PCDHGB6: variants seen among roughly 807,000 people sequenced by gnomAD.
The protein encoded by PCDHGB6 is protocadherin gamma-B6.
In PCDHGB6, 51 loss-of-function variants were observed where a neutral mutation model predicts 59.1. The observed-to-expected ratio is 0.86, with a 90% CI of 0.69 to 1.09. The LOEUF is 1.09. Ranked by LOEUF, PCDHGB6 falls within the 50% of genes least tolerant of loss-of-function variation. The probability of loss-of-function intolerance (pLI) is 0.00; values close to 1 mark genes in which losing one functional copy is unlikely to be tolerated. For missense variants in PCDHGB6, 1,148 were observed against 1,205.1 expected (o/e 0.95, Z 0.70); for synonymous variants, 466 against 495.1 (o/e 0.94, Z 0.78).
At chr5:141,450,033 G>T (rs1377962229) in intron 1 of PCDHGB6, among the ~76,000 whole-genome samples, 2 of 131,450 alleles carry the variant, frequency 1.5e-5, no homozygotes, top group Admixed American at 8.4e-5. Flanking sequence ...TTGAGACAGG[G>T]TCTCACTCTT....
At position 141,484,779 on chromosome 5, in the gene PCDHGB6, C is replaced by G. The variant is rs186158562; in HGVS notation, c.2419-10028C>G. On this transcript the variant is annotated intron_variant, in intron 1 of 3. Transcript: ENST00000520790. ...ATATATATATATGTTGTCTGCCTCCCCACAGAGATAACAACCCGTGGAAAA... is the reference window on the plus strand; with the variant it reads ...ATATATATATATGTTGTCTGCCTCCGCACAGAGATAACAACCCGTGGAAAA... Among the ~76,000 whole-genome samples, 137 of 152,130 alleles carry G rather than the reference C, an allele frequency of 9.0e-4. 1 individual carries two copies. Among genetic ancestry groups the G allele is most frequent in the Non-Finnish European group, 1.6e-3 (110 of 67,996 alleles).
Position 141,477,691 on chromosome 5 carries a change from A to G in PCDHGB6, c.2419-17116A>G, listed in dbSNP as rs1315811441. 6.2e-7 allele frequency: 1 copy of G among 1,614,188 alleles called. No homozygotes were observed. Among genetic ancestry groups the G allele is most frequent in the South Asian group, 1.1e-5 (1 of 91,090 alleles). On this transcript the variant is annotated intron_variant, in intron 1 of 3. Coordinates refer to ENST00000520790, the MANE Select transcript of PCDHGB6 (RefSeq NM_018926.3). This position sits in a 1 kb window ranked among gnomAD's most constrained non-coding sequence, Gnocchi z 4.9. ...GCATAGTGTCATCCTTAGTGCCCCT[A>G]GACTATGAGGATCGGCGGGAATTTG...
rs569260568 is a variant in PCDHGB6, at chr5:141,408,294, A to G, written c.92A>G (p.Glu31Gly). The G allele has an allele frequency of 2.0e-5, 33 of 1,613,508 alleles. No homozygotes were observed. The East Asian group carries it at 7.1e-4, about 35-fold the overall frequency. ...CCTTTGTTCTACCCCACCCTGAGTG[A>G]GCCGATCCGCTACTCGATTCCGGAG... is the stretch of plus-strand genomic sequence containing the variant. Reference protein sequence around the residue: ...LLPLFYPTLSEPIRYSIPEEL... With the variant: ...LLPLFYPTLSGPIRYSIPEEL... The change falls in exon 1 of 4, where the codon GAG becomes GGG. Residue 31 changes from glutamate to glycine, a missense_variant. Coordinates refer to ENST00000520790, the MANE Select transcript of PCDHGB6 (RefSeq NM_018926.3).
At position 141,409,184 on chromosome 5, in the gene PCDHGB6, T is replaced by G; in HGVS notation, c.982T>G (p.Ser328Ala). ...GGAAGCGAAGGACGGAGGTGGTCTC[T>G]CTACCCAGTGTAAAGTAATCATAGA... ...EVEAKDGGGL[S>A]TQCKVIIEIL... The change falls in exon 1 of 4, where the codon TCT becomes GCT. Residue 328 changes from serine (S) to alanine (A), a missense_variant. Ser to Ala is a moderately conservative substitution (Grantham distance 99). Around this residue, in one of 5 missense-constraint regions of PCDHGB6, gnomAD observed 549 missense variants for 527.5 expected, o/e 1.04. Transcript: ENST00000520790. The G allele has an allele frequency of 6.2e-7, 1 of 1,614,044 alleles. No homozygotes were observed. Among genetic ancestry groups the G allele is most frequent in the East Asian group, 2.2e-5 (1 of 44,876 alleles).
chr5:141,472,200 C>A (rs2099274166), intron 1 of PCDHGB6, among the ~76,000 whole-genome samples: 1 of 152,110 alleles, frequency 6.6e-6, no homozygotes, highest in Non-Finnish European at 1.5e-5. Flanking sequence ...ATCTTTTTGA[C>A]ACTAAGACCT....
rs562011010 is a variant in PCDHGB6, at chr5:141,427,600, G to A, written c.2418+16980G>A. On this transcript the variant is annotated intron_variant, in intron 1 of 3. Coordinates refer to ENST00000520790, the MANE Select transcript of PCDHGB6 (RefSeq NM_018926.3). ...TCATCCAGCACAAGCCTCACCCTAC[G>A]CATTGGTGAAGTCAACGACAATGCT... The A allele has an allele frequency of 6.7e-5, 46 of 683,296 alleles. 1 individual carries two copies. The East Asian group carries it at 1.2e-3, about 18-fold the overall frequency. 42.3% of individuals were successfully genotyped at this position (683,296 alleles called of 1,614,324 possible). A position where few individuals can be genotyped will look rare whatever the true frequency, so the allele number is the denominator to read the frequency against.
intron 1 of PCDHGB6, chr5:141,441,752 C>A (rs1043293959): frequency 5.3e-6 from 2 of 377,970 alleles, no homozygotes; most frequent in Non-Finnish European, 5.3e-6. Flanking sequence ...TCGGCGTCAA[C>A]GTGAGCCTGC....
In PCDHGB6 at chr5:141,476,432, G is replaced by A. The variant is rs139089802; in HGVS notation, c.2419-18375G>A. 15 of 1,614,116 alleles carry A rather than the reference G, an allele frequency of 9.3e-6. No individual in the cohort carries two copies. The East Asian group carries it at 3.3e-4, about 36-fold the overall frequency. Reference sequence around the variant, plus strand: ...GTGTGGGACACTGCCCTCTTGCACTGTAACTCTGGAGTTGGTAGTGGAGAA... The same window carrying A: ...GTGTGGGACACTGCCCTCTTGCACTATAACTCTGGAGTTGGTAGTGGAGAA... On this transcript the variant is annotated intron_variant, in intron 1 of 3. Coordinates refer to ENST00000520790, the MANE Select transcript of PCDHGB6 (RefSeq NM_018926.3). The surrounding 1 kb of genome is among the most constrained non-coding windows in gnomAD (Gnocchi z 7.6).
At chr5:141,412,792 C>T (rs1387029327) in intron 1 of PCDHGB6, among the ~76,000 whole-genome samples, 1 of 152,194 alleles carries the variant, frequency 6.6e-6, no homozygotes. Flanking sequence ...TCCACTTTAT[C>T]ACACCTCCCC....
At chr5:141,438,548 C>T (rs1423036586) in intron 1 of PCDHGB6, among the ~76,000 whole-genome samples, 2 of 135,792 alleles carry the variant, frequency 1.5e-5, no homozygotes, top group Non-Finnish European at 3.1e-5. Context: ...ATATCTAAGC[C>T]CTAATAAGAG....
chr5:141,417,805 G>T, intron 1 of PCDHGB6: 1 of 1,499,292 alleles, frequency 6.7e-7, no homozygotes. Flanking sequence ...TAGCGCGGTA[G>T]AGTGCACTTT....
chr5:141,510,613 C>T (rs559713771), intron 3 of PCDHGB6, among the ~76,000 whole-genome samples: 17 of 152,298 alleles, frequency 1.1e-4, no homozygotes, highest in Admixed American at 2.0e-4. Context: ...TTAGCATTCA[C>T]TAAAACCAGA....
intron 1 of PCDHGB6, chr5:141,428,067 G>A (rs753358896): frequency 6.2e-7 from 1 of 1,609,228 alleles, no homozygotes; most frequent in South Asian, 1.1e-5. Flanking sequence ...GGTGGACGCA[G>A]ATTCGGGACA....
At chr5:141,414,239 C>T in intron 1 of PCDHGB6, 1 of 1,613,498 alleles carries the variant, frequency 6.2e-7, no homozygotes, top group Non-Finnish European at 8.5e-7. Context: ...ACCATCACGT[C>T]TCTATTTAGT....
chr5:141,492,695 A>G (rs925499358), intron 1 of PCDHGB6, among the ~76,000 whole-genome samples: 14 of 152,214 alleles, frequency 9.2e-5, no homozygotes, highest in African/African-American at 3.1e-4. Context: ...CGACCCCTCA[A>G]CCCAGAAGCC....
chr5:141,413,926 T>C, intron 1 of PCDHGB6: 4 of 1,613,380 alleles, frequency 2.5e-6, no homozygotes, highest in Non-Finnish European at 3.4e-6. Flanking sequence ...CTTGCCAGAA[T>C]ACCGAGTGAG....
At chr5:141,467,131 C>A (rs1441537783) in intron 1 of PCDHGB6, among the ~76,000 whole-genome samples, 1 of 151,702 alleles carries the variant, frequency 6.6e-6, no homozygotes, top group African/African-American at 2.4e-5. Flanking sequence ...CAGCTCACTG[C>A]AACCTCTGCC....
At chr5:141,504,570 AC>A (rs1468526948) in intron 2 of PCDHGB6, among the ~76,000 whole-genome samples, 1 of 148,874 alleles carries the variant, frequency 6.7e-6, no homozygotes, top group Admixed American at 6.9e-5. Flanking sequence ...ATTCTAGGGA[AC>A]ACCATCTGCC....
intron 1 of PCDHGB6, chr5:141,421,262 GGCT>G (rs748368476): frequency 2.1e-5 from 34 of 1,608,226 alleles, no homozygotes; most frequent in Admixed American, 5.1e-5. Flanking sequence ...GACCGCAGTC[GGCT>G]GCTGCTGCTG....
Sources: allele counts gnomAD v4.1 joint callset (sites outside exome capture counted in the v4.1 genomes callset), GRCh38; gene constraint gnomAD v4.1.1; regional missense constraint gnomAD v4.1.1; non-coding constraint Gnocchi (gnomAD v3.1); transcripts MANE v1.5; gene names NCBI Gene and HGNC (gene_info 2026-07-23, HGNC 2026-07-21).